The following TLN2 variants were observed in gnomAD, a reference collection of about 807,000 sequenced individuals.
TLN2 encodes talin 2.
A neutral mutation model predicts 294.7 loss-of-function variants in TLN2; 118 were observed. The observed-to-expected ratio is 0.40, with a 90% CI of 0.34 to 0.47. The LOEUF (loss-of-function observed/expected upper bound fraction) is 0.47. TLN2 is among the 20% of genes least tolerant of loss of function. The pLI, the probability that TLN2 is intolerant of heterozygous loss-of-function variation, is 0.84. For missense variants in TLN2, 3,083 were observed against 3,282.2 expected, an observed-to-expected ratio of 0.94 and a Z score of 1.48; for synonymous variants, 1,431 against 1,304.5, an observed-to-expected ratio of 1.10 and a Z score of -2.09.
At chr15:62,676,799 G>A (rs939719489) in intron 11 of TLN2, among the ~76,000 whole-genome samples, 2 of 152,156 alleles carry the variant, frequency 1.3e-5, no homozygotes, top group African/African-American at 4.8e-5. Flanking sequence ...TATTTTAGTA[G>A]AGACAGGGTT....
intron 1 of TLN2, among the ~76,000 whole-genome samples, chr15:62,410,289 C>T (rs2033694118): frequency 6.6e-6 from 1 of 151,938 alleles, no homozygotes; most frequent in African/African-American, 2.4e-5. Context: ...AATTTTGTGT[C>T]TTTGGGTCAT....
chr15:62,740,891 G>C (rs1462922237), intron 32 of TLN2, 122 bp downstream of exon 32: 11 of 1,298,624 alleles, frequency 8.5e-6, no homozygotes, highest in Non-Finnish European at 1.2e-5. Flanking sequence ...TTAGGTCATG[G>C]GAGGTGGAGC....
intron 2 of TLN2, among the ~76,000 whole-genome samples, chr15:62,601,977 A>T (rs918329738): frequency 1.7e-4 from 26 of 152,154 alleles, no homozygotes; most frequent in Non-Finnish European, 2.9e-4. Flanking sequence ...CTTTCTGGTG[A>T]GATCAAATGT....
chr15:62,462,329 C>A (rs1028000996), intron 1 of TLN2, among the ~76,000 whole-genome samples: 3 of 152,186 alleles, frequency 2.0e-5, no homozygotes, highest in East Asian at 3.8e-4. Flanking sequence ...TTCACAGAAG[C>A]CCCCAGGAGA....
chr15:62,738,562 G>A (rs542099131), intron 30 of TLN2, among the ~76,000 whole-genome samples: 3 of 152,198 alleles, frequency 2.0e-5, no homozygotes, highest in Non-Finnish European at 2.9e-5. Flanking sequence ...ATTTCCTCTC[G>A]GATCGTCCCG....
chr15:62,625,199 G>A (rs112632588), intron 3 of TLN2, among the ~76,000 whole-genome samples: 312 of 152,168 alleles, frequency 2.1e-3, no homozygotes, highest in African/African-American at 7.2e-3. Context: ...TACTGAATGT[G>A]CACATGGGGC....
intron 2 of TLN2, among the ~76,000 whole-genome samples, chr15:62,617,706 T>A (rs1164348332): frequency 6.6e-6 from 1 of 152,202 alleles, no homozygotes; most frequent in Non-Finnish European, 1.5e-5. Context: ...ACTGAATGGC[T>A]CTCTTTTGGA....
At chr15:62,508,331 C>G (rs1283867294) in intron 1 of TLN2, among the ~76,000 whole-genome samples, 1 of 152,134 alleles carries the variant, frequency 6.6e-6, no homozygotes, top group Non-Finnish European at 1.5e-5. Flanking sequence ...ATTCTCCTGC[C>G]TCAGCCTCCC....
intron 1 of TLN2, among the ~76,000 whole-genome samples, chr15:62,543,178 T>G (rs922727692): frequency 1.3e-5 from 2 of 152,204 alleles, no homozygotes; most frequent in Non-Finnish European, 2.9e-5. Context: ...TAGCAGTGTT[T>G]AATAGCTTCT....
intron 1 of TLN2, among the ~76,000 whole-genome samples, chr15:62,499,511 A>G (rs1248509204): frequency 1.3e-5 from 2 of 152,210 alleles, no homozygotes; most frequent in Non-Finnish European, 2.9e-5. Flanking sequence ...AAGCAAACGT[A>G]TTTTAAAACT....
chr15:62,608,432 G>A (rs982611930), intron 2 of TLN2, among the ~76,000 whole-genome samples: 2 of 152,186 alleles, frequency 1.3e-5, no homozygotes, highest in East Asian at 1.9e-4. Flanking sequence ...ACTGAAGAGC[G>A]TAAGAAGAGA....
At chr15:62,835,674 T>A in intron 55 of TLN2, 63 bp from the exon 56 acceptor site, 1 of 1,586,622 alleles carries the variant, frequency 6.3e-7, no homozygotes, top group South Asian at 1.1e-5. Flanking sequence ...GGTCTGGGGA[T>A]GAGGGGCTGC....
At chr15:62,425,787 A>T (rs1350045095) in intron 1 of TLN2, among the ~76,000 whole-genome samples, 1 of 152,174 alleles carries the variant, frequency 6.6e-6, no homozygotes, top group East Asian at 1.9e-4. Flanking sequence ...CTCAGTTGGT[A>T]TGCAGCATGT....
chr15:62,702,893 G>A (rs759546010), intron 19 of TLN2, 29 bp downstream of exon 19: 1 of 1,602,356 alleles, frequency 6.2e-7, no homozygotes, highest in Non-Finnish European at 8.6e-7. Flanking sequence ...TATAGTCATG[G>A]AAAGAAGTCT....
chr15:62,503,510 A>G (rs907510492), intron 1 of TLN2, among the ~76,000 whole-genome samples: 10 of 152,248 alleles, frequency 6.6e-5, no homozygotes, highest in African/African-American at 2.4e-4. Flanking sequence ...CAGTCTATTA[A>G]AGCTTCTTAG....
chr15:62,502,322 C>G (rs772553238), intron 1 of TLN2, among the ~76,000 whole-genome samples: 1 of 152,186 alleles, frequency 6.6e-6, no homozygotes, highest in Non-Finnish European at 1.5e-5. Flanking sequence ...TGCTAGAAAA[C>G]AAAGGTTTGA....
chr15:62,821,253 A>G (rs1021763535), intron 54 of TLN2, among the ~76,000 whole-genome samples: 9 of 152,382 alleles, frequency 5.9e-5, no homozygotes, highest in East Asian at 5.8e-4. Context: ...CAAAGCCCCA[A>G]TCCTGTTAAG....
intron 12 of TLN2, chr15:62,687,678 C>G (rs2057398365): frequency 1.3e-5 from 2 of 152,122 alleles, no homozygotes; most frequent in Admixed American, 1.3e-4. Flanking sequence ...AATATCACCT[C>G]TTATCTATGC....
chr15:62,461,219 C>T (rs1046727188), intron 1 of TLN2, among the ~76,000 whole-genome samples: 6 of 152,314 alleles, frequency 3.9e-5, no homozygotes, highest in African/African-American at 1.4e-4. Flanking sequence ...GCTGGAATTA[C>T]AGGCGTGAGC....
Sources: allele counts gnomAD v4.1 joint callset (sites outside exome capture counted in the v4.1 genomes callset), GRCh38; gene constraint gnomAD v4.1.1; transcripts MANE v1.5; gene names NCBI Gene and HGNC (gene_info 2026-07-23, HGNC 2026-07-21).